DMRTC1: variants seen among roughly 807,000 people sequenced by gnomAD.
DMRTC1 encodes the protein DMRT like family C1, also known as doublesex- and mab-3-related transcription factor C1.
For synonymous variants in DMRTC1, 7 were observed against 14.1 expected (o/e 0.50, Z 1.13); for missense variants, 9 against 34.6 (o/e 0.26, Z 1.86).
At chrX:72,905,682 A>G (rs1381792650) in intron 1 of DMRTC1, among the ~76,000 whole-genome samples, 1 of 61,196 alleles carries the variant, frequency 1.6e-5, no homozygotes, top group African/African-American at 7.5e-5. Context: ...TTTGTATTTT[A>G]GTAGAGACGG....
chrX:72,905,801 A>G (rs1403754897), intron 1 of DMRTC1, among the ~76,000 whole-genome samples: 2 of 100,801 alleles, frequency 2.0e-5, no homozygotes. Context: ...CGCCTGGACT[A>G]AATTTACTTT....
chrX:72,881,811 T>C (rs1389189655), intron 1 of DMRTC1, among the ~76,000 whole-genome samples: 1 of 87,139 alleles, frequency 1.1e-5, no homozygotes, highest in African/African-American at 4.1e-5. Flanking sequence ...TTGCCTCTTG[T>C]TTATATTTAT....
At position 72,872,514 on chromosome X, in the gene DMRTC1, T is replaced by C; in HGVS notation, c.517A>G (p.Arg173Gly). 1 of 1,145,959 alleles carries C rather than the reference T, an allele frequency of 8.7e-7. No homozygotes were observed. The highest frequency in any genetic ancestry group is 1.1e-6 in the Non-Finnish European group (1 of 870,001). 94.4% of individuals were successfully genotyped at this position (1,145,959 alleles called of 1,213,427 possible). The change falls in exon 7 of 7, where the codon AGG (arginine) becomes GGG (glycine). Residue 173 changes from arginine (R) to glycine (G), a missense_variant. Transcript: ENST00000615063. ...FQPPSPSLRP[R>G]PASSISLPIG... ...GGCAGCGAGATGGAGCTGGCTGGCCTGGGGCGGAGAGAGGGGCTGGGAGGC... is the reference window on the plus strand; with the variant it reads ...GGCAGCGAGATGGAGCTGGCTGGCCCGGGGCGGAGAGAGGGGCTGGGAGGC...
chrX:72,874,733 CCT>C, intron 4 of DMRTC1, 90 bp downstream of exon 4: 1 of 204,295 alleles, frequency 4.9e-6, no homozygotes, highest in Non-Finnish European at 7.9e-6. Context: ...TCCTCCTCCT[CCT>C]CCCCCTCTTC....
chrX:72,905,537 CT>C, intron 1 of DMRTC1, among the ~76,000 whole-genome samples: 1 of 32,928 alleles, frequency 3.0e-5, no homozygotes, highest in Middle Eastern at 8.0e-3. Flanking sequence ...GAGACGGAGT[CT>C]CGCTCTGTTT....
chrX:72,872,219 A>G lies in DMRTC1; in HGVS notation c.*233T>C, dbSNP rs1365618775. 4 of 194,247 alleles carry G rather than the reference A, an allele frequency of 2.1e-5. No homozygotes were observed. The African/African-American group carries it at 6.8e-4, about 33-fold the overall frequency. The allele number at this position is 194,247 out of a possible 1,213,427, so 16.0% of individuals were successfully genotyped here. On this transcript the variant is annotated 3_prime_UTR_variant, in exon 7 of 7. Coordinates refer to ENST00000615063, the MANE Select transcript of DMRTC1 (RefSeq NM_033053.3). Reference sequence around the variant, plus strand: ...TGAGAGACTGATCAACTTAGATTGCACAATCCTGTCTTTATGAGACAGAAA... The same window carrying G: ...TGAGAGACTGATCAACTTAGATTGCGCAATCCTGTCTTTATGAGACAGAAA...
At chrX:72,880,641 G>C (rs1391058203) in intron 1 of DMRTC1, among the ~76,000 whole-genome samples, 2 of 20,784 alleles carry the variant, frequency 9.6e-5, no homozygotes, top group African/African-American at 2.7e-4. Flanking sequence ...GCTTTGCTTT[G>C]CTTTGCTTTG....
chrX:72,913,620 C>T lies in DMRTC1; in HGVS notation c.-95+29955G>A, dbSNP rs1362997168. ...TTTTCCACGGCTCTCAGCTCTGACC[C>T]TGGCGGGGCACTTACATGCAGGAAT... On this transcript the variant is annotated intron_variant, in intron 1 of 6. Coordinates refer to ENST00000615063, the MANE Select transcript of DMRTC1 (RefSeq NM_033053.3). Among the ~76,000 whole-genome samples the T allele has an allele frequency of 3.3e-5, 3 of 90,061 alleles. No homozygotes were observed. In the East Asian group the frequency reaches 1.1e-3, roughly 34 times the overall value. The allele number at this position is 90,061 out of a possible 115,157, so 78.2% of individuals were successfully genotyped here. A position where few individuals can be genotyped will look rare whatever the true frequency, so the allele number is the denominator to read the frequency against.
Position 72,880,659 on chromosome X carries a change from T to TTTGCTTTGCTTTGCTTTGCTTTG in DMRTC1, c.-94-4872_-94-4871insCAAAGCAAAGCAAAGCAAAGCAA, listed in dbSNP as rs1569461353. 2.3e-4 allele frequency among the ~76,000 whole-genome samples: 3 copies of TTTGCTTTGCTTTGCTTTGCTTTG among 13,240 alleles called. No homozygotes were observed. The East Asian group carries it at 0.014, about 61-fold the overall frequency. 11.5% of individuals were successfully genotyped at this position (13,240 alleles called of 115,157 possible). On this transcript the variant is annotated intron_variant, in intron 1 of 6. Transcript: ENST00000615063. ...TTGCTTTGCTTTGCTTTGCTTTTTC[T>TTTGCTTTGCTTTGCTTTGCTTTG]CTTTGCTTTGCTTTGCTTTTTCTCT...
intron 1 of DMRTC1, among the ~76,000 whole-genome samples, chrX:72,905,914 T>C (rs1331132416): frequency 8.8e-6 from 1 of 113,726 alleles, no homozygotes; most frequent in Non-Finnish European, 1.9e-5. Context: ...AAATAGGGAA[T>C]AGAAGACCAC....
Position 72,872,609 on chromosome X carries a change from C to T in DMRTC1, c.467-45G>A, listed in dbSNP as rs782719121. ...GGCCAGAGCCAGGTCACATCCACAT[C>T]CCCTTCCAGATCTACTCTTTTTATG... is the stretch of plus-strand genomic sequence containing the variant. On this transcript the variant is annotated intron_variant, in intron 6 of 6. Transcript: ENST00000615063. 16 of 1,198,636 alleles carry T rather than the reference C, an allele frequency of 1.3e-5. No individual in the cohort carries two copies. In the South Asian group the frequency reaches 2.0e-4, roughly 15 times the overall value.
Position 72,905,822 on chromosome X carries a change from G to A in DMRTC1, c.-94-30034C>T, listed in dbSNP as rs782134574. On this transcript the variant is annotated intron_variant, in intron 1 of 6. Transcript: ENST00000615063. ...GACTAAATTTACTTTTTATCTCCAG[G>A]AACTAGGAAAAGAAGAACAAACTAA... Among the ~76,000 whole-genome samples, 6 of 106,267 alleles carry A rather than the reference G, an allele frequency of 5.6e-5. No homozygotes were observed. The South Asian group carries it at 1.6e-3, about 28-fold the overall frequency. The allele number at this position is 106,267 out of a possible 115,157, so 92.3% of individuals were successfully genotyped here.
chrX:72,913,391 G>T, intron 1 of DMRTC1: 5 of 449,076 alleles, frequency 1.1e-5, no homozygotes, highest in Non-Finnish European at 1.6e-5. Flanking sequence ...ATGCTGGCAC[G>T]CTTGACTGTT....
chrX:72,886,851 T>C lies in DMRTC1; in HGVS notation c.-94-11063A>G, dbSNP rs1374081818. ...AATATGGTCATTTAAGCAATTTTCA[T>C]TCTTCTAATCCATAGGCATGGAATG... On this transcript the variant is annotated intron_variant, in intron 1 of 6. Transcript: ENST00000615063. Among the ~76,000 whole-genome samples the C allele has an allele frequency of 2.0e-3, 135 of 65,999 alleles. No individual in the cohort carries two copies. In the East Asian group the frequency reaches 0.021, roughly 10 times the overall value. The allele number at this position is 65,999 out of a possible 115,157, so 57.3% of individuals were successfully genotyped here.
chrX:72,913,337 T>A lies in DMRTC1; in HGVS notation c.-95+30238A>T, dbSNP rs2054966875. The stretch of plus-strand genomic sequence containing the variant: ...TGACCGAGCCCCCTCTGATGCTCCA[T>A]GCCCCTGCTCGCCCCAGTGTCCCGG... On this transcript the variant is annotated intron_variant, in intron 1 of 6. Transcript: ENST00000615063. 5.3e-6 allele frequency: 3 copies of A among 565,594 alleles called. No individual in the cohort carries two copies. The African/African-American group carries it at 7.4e-5, about 14-fold the overall frequency. 46.6% of individuals were successfully genotyped at this position (565,594 alleles called of 1,213,427 possible). A position where few individuals can be genotyped will look rare whatever the true frequency, so the allele number is the denominator to read the frequency against.
At chrX:72,913,748 G>T in intron 1 of DMRTC1, among the ~76,000 whole-genome samples, 1 of 65,531 alleles carries the variant, frequency 1.5e-5, no homozygotes, top group Middle Eastern at 6.3e-3. Flanking sequence ...ACTGGGCGGT[G>T]TTTATATGCG....
intron 1 of DMRTC1, chrX:72,913,232 A>AC (rs2054964926): frequency 1.1e-6 from 1 of 908,544 alleles, no homozygotes; most frequent in Non-Finnish European, 1.5e-6. Context: ...TCCACTTGTC[A>AC]CTCTGCTTTC....
chrX:72,916,241 A>G (rs1291490638), intron 1 of DMRTC1, among the ~76,000 whole-genome samples: 3 of 108,139 alleles, frequency 2.8e-5, no homozygotes, highest in Admixed American at 9.4e-5. Flanking sequence ...TGGTGTGATC[A>G]CCATTCTGAG....
chrX:72,872,590 A>G (rs1556351053), intron 6 of DMRTC1, 26 bp from the exon 7 acceptor site: 1 of 1,185,926 alleles, frequency 8.4e-7, no homozygotes, highest in South Asian at 1.9e-5. Flanking sequence ...AAGGGGCCAG[A>G]GCCAGGTCAC....
Sources: allele counts gnomAD v4.1 joint callset (sites outside exome capture counted in the v4.1 genomes callset), GRCh38; gene constraint gnomAD v4.1.1; transcripts MANE v1.5; gene names NCBI Gene and HGNC (gene_info 2026-07-23, HGNC 2026-07-21).